PEX7: variants seen among roughly 807,000 people sequenced by gnomAD.
PEX7 encodes PTS2 receptor.
A neutral mutation model predicts 47.5 loss-of-function variants in PEX7; 34 were observed. The ratio of observed to expected loss-of-function variants is 0.72; its 90% CI spans 0.54 to 0.95. The LOEUF is 0.95. Ranked by LOEUF, PEX7 falls within the 40% of genes least tolerant of loss-of-function variation. The pLI is 0.00. For missense variants in PEX7, 394 were observed against 400.3 expected (o/e 0.98, Z 0.13); for synonymous variants, 141 against 148.8 (o/e 0.95, Z 0.38).
chr6:136,867,577 AC>A (rs754378914), intron 6 of PEX7, among the ~76,000 whole-genome samples: 156 of 152,256 alleles, frequency 1.0e-3, no homozygotes, highest in Admixed American at 2.0e-3. Context: ...GTATAGCTCT[AC>A]AATGTGTTTA....
chr6:136,872,587 TC>T (rs1275263461), intron 8 of PEX7, among the ~76,000 whole-genome samples: 1 of 152,192 alleles, frequency 6.6e-6, no homozygotes, highest in Non-Finnish European at 1.5e-5. Flanking sequence ...AAATTGCATT[TC>T]TTCAGGTCTA....
intron 3 of PEX7, among the ~76,000 whole-genome samples, chr6:136,842,201 G>A (rs1774513276): frequency 6.7e-6 from 1 of 150,158 alleles, no homozygotes; most frequent in South Asian, 2.1e-4. Flanking sequence ...CACCATGTTG[G>A]CCAGGCTGGT....
intron 3 of PEX7, chr6:136,830,357 A>G (rs1475998247): frequency 4.0e-6 from 1 of 251,196 alleles, no homozygotes; most frequent in Non-Finnish European, 7.5e-6. Context: ...TATGTGTCCA[A>G]CAGTCAATTT....
In PEX7 at chr6:136,894,285, C is replaced by T. The variant is rs369323013; in HGVS notation, c.804-3857C>T. On this transcript the variant is annotated intron_variant, in intron 8 of 9. Transcript: ENST00000318471. ...CAGCCTGACCAACATGGTGAAACCC[C>T]GTCTCTACTAAAAATACAAAAATTA... Among the ~76,000 whole-genome samples the T allele has an allele frequency of 3.9e-5, 6 of 152,000 alleles. No individual in the cohort carries two copies. The East Asian group carries it at 7.8e-4, about 20-fold the overall frequency.
At chr6:136,838,893 G>A (rs1301333044) in intron 3 of PEX7, among the ~76,000 whole-genome samples, 3 of 152,130 alleles carry the variant, frequency 2.0e-5, no homozygotes, top group African/African-American at 4.8e-5. Flanking sequence ...GAAAATTTAA[G>A]TTTCAGGGCT....
chr6:136,911,895 A>T (rs1169057372), intron 9 of PEX7, among the ~76,000 whole-genome samples: 2 of 152,164 alleles, frequency 1.3e-5, no homozygotes, highest in African/African-American at 4.8e-5. Context: ...GGTACCATAT[A>T]CCTTCCCTAC....
chr6:136,899,373 G>C (rs980833221), intron 9 of PEX7, among the ~76,000 whole-genome samples: 7 of 151,984 alleles, frequency 4.6e-5, no homozygotes, highest in African/African-American at 1.7e-4. Context: ...CTCCTGAGTA[G>C]CTGGGATTAC....
intron 8 of PEX7, 34 bp from the exon 9 acceptor site, chr6:136,898,108 C>T: frequency 8.0e-7 from 1 of 1,247,560 alleles, no homozygotes; most frequent in East Asian, 2.3e-5. Context: ...GTAGTTTTAG[C>T]ATTTAAATTA....
intron 8 of PEX7, among the ~76,000 whole-genome samples, chr6:136,881,780 TCTTA>T (rs1165900280): frequency 6.6e-6 from 1 of 152,158 alleles, no homozygotes; most frequent in African/African-American, 2.4e-5. Flanking sequence ...TGGCTTTCAG[TCTTA>T]CTTTTCTCTC....
intron 8 of PEX7, among the ~76,000 whole-genome samples, chr6:136,891,314 T>A (rs1228194682): frequency 6.6e-6 from 1 of 152,246 alleles, no homozygotes; most frequent in Non-Finnish European, 1.5e-5. Context: ...TGAAATATTG[T>A]GATGGACTCA....
chr6:136,846,492 C>A (rs572669659), intron 5 of PEX7, among the ~76,000 whole-genome samples: 2 of 152,110 alleles, frequency 1.3e-5, no homozygotes, highest in Non-Finnish European at 2.9e-5. Flanking sequence ...ATCTCTCCCC[C>A]CTTCCCCCAC....
At chr6:136,895,597 A>C (rs1294017910) in intron 8 of PEX7, among the ~76,000 whole-genome samples, 2 of 152,110 alleles carry the variant, frequency 1.3e-5, no homozygotes, top group Non-Finnish European at 1.5e-5. Flanking sequence ...GCTTTAATGA[A>C]GTTTTAAGGT....
At position 136,829,859 on chromosome 6, in the gene PEX7, C is replaced by T. The variant is rs186194337; in HGVS notation, c.339+3390C>T. 7.9e-5 allele frequency: 48 copies of T among 607,106 alleles called. No individual in the cohort carries two copies. In the African/African-American group the frequency reaches 8.2e-4, roughly 10 times the overall value. The allele number at this position is 607,106 out of a possible 1,614,324, so 37.6% of individuals were successfully genotyped here. A position where few individuals can be genotyped will look rare whatever the true frequency, so the allele number is the denominator to read the frequency against. ...GGCTGAGGCACAAGAATCATTTGAG[C>T]ATGGGAGGTGGAGGTTGCAGTGAGC... On this transcript the variant is annotated intron_variant, in intron 3 of 9. Coordinates refer to ENST00000318471, the MANE Select transcript of PEX7 (RefSeq NM_000288.4).
chr6:136,838,453 G>C (rs994080876), intron 3 of PEX7, among the ~76,000 whole-genome samples: 1 of 152,204 alleles, frequency 6.6e-6, no homozygotes, highest in African/African-American at 2.4e-5. Flanking sequence ...AAGGTGTCAG[G>C]AGGAGGACTG....
intron 9 of PEX7, among the ~76,000 whole-genome samples, chr6:136,908,764 A>G (rs77135208): frequency 0.039 from 5,864 of 152,306 alleles, 382 homozygotes; most frequent in African/African-American, 0.13. Flanking sequence ...GAGGAGTTAT[A>G]ATGCAATTAT....
At chr6:136,890,532 T>A (rs1255617514) in intron 8 of PEX7, among the ~76,000 whole-genome samples, 1 of 152,166 alleles carries the variant, frequency 6.6e-6, no homozygotes, top group Non-Finnish European at 1.5e-5. Flanking sequence ...CTGTCTCTGT[T>A]TTTTTCTCTC....
intron 3 of PEX7, among the ~76,000 whole-genome samples, chr6:136,844,170 G>T (rs927232606): frequency 2.0e-5 from 3 of 151,992 alleles, no homozygotes; most frequent in African/African-American, 7.2e-5. Flanking sequence ...TTTGAGACCA[G>T]CCTGGGGAAC....
At chr6:136,873,678 A>G (rs1056920838) in intron 8 of PEX7, among the ~76,000 whole-genome samples, 1 of 152,202 alleles carries the variant, frequency 6.6e-6, no homozygotes, top group Non-Finnish European at 1.5e-5. Flanking sequence ...AATAGTTTAT[A>G]GAGAATGTCT....
At chr6:136,842,869 T>A (rs1357936227) in intron 3 of PEX7, among the ~76,000 whole-genome samples, 7 of 152,142 alleles carry the variant, frequency 4.6e-5, no homozygotes, top group African/African-American at 1.7e-4. Flanking sequence ...CAGGGGAGGC[T>A]TATTTCGTAA....
Sources: gnomAD v4.1 joint callset for allele counts (sites outside exome capture counted in the v4.1 genomes callset) on GRCh38, gnomAD v4.1.1 for gene constraint, MANE v1.5 for transcripts, NCBI Gene and HGNC (gene_info 2026-07-23, HGNC 2026-07-21) for gene names.